Variants in CNTN5 observed in about 807,000 individuals in gnomAD.
The protein encoded by CNTN5 is contactin-5.
Under a neutral mutation model 129.1 loss-of-function variants are expected in CNTN5, and 77 were observed. The ratio of observed to expected loss-of-function variants is 0.60; its 90% CI spans 0.50 to 0.72. The LOEUF (loss-of-function observed/expected upper bound fraction) is 0.72, where lower values mean the gene tolerates loss of function less well. Ranked by LOEUF, CNTN5 falls within the 30% of genes least tolerant of loss-of-function variation. The pLI, the probability that CNTN5 is intolerant of heterozygous loss-of-function variation, is 0.00. For synonymous variants in CNTN5, 509 were observed against 465.6 expected (o/e 1.09, Z -1.20); for missense variants, 1,478 against 1,328.8 (o/e 1.11, Z -1.75).
intron 7 of CNTN5, among the ~76,000 whole-genome samples, chr11:99,935,068 T>C (rs987264336): frequency 6.6e-6 from 1 of 150,704 alleles, no homozygotes; most frequent in African/African-American, 2.4e-5. Context: ...CACATAGAAA[T>C]ATATCTTCAC....
At chr11:99,292,585 C>G (rs1276962873) in intron 1 of CNTN5, among the ~76,000 whole-genome samples, 1 of 152,122 alleles carries the variant, frequency 6.6e-6, no homozygotes, top group Non-Finnish European at 1.5e-5. Context: ...TCCTTCCCAC[C>G]TACTTTCCTG....
intron 2 of CNTN5, among the ~76,000 whole-genome samples, chr11:99,407,378 C>T (rs1455397125): frequency 6.6e-6 from 1 of 152,120 alleles, no homozygotes; most frequent in South Asian, 2.1e-4. Context: ...AAAGGGATGT[C>T]ACAGCTCTGA....
At chr11:100,144,305 A>G (rs575683796) in intron 13 of CNTN5, among the ~76,000 whole-genome samples, 20 of 152,150 alleles carry the variant, frequency 1.3e-4, no homozygotes, top group South Asian at 6.2e-4. Context: ...TTCGGCTTCT[A>G]TTGAAACCCA....
intron 3 of CNTN5, among the ~76,000 whole-genome samples, chr11:99,682,527 A>T (rs891634208): frequency 6.6e-6 from 1 of 152,004 alleles, no homozygotes; most frequent in Non-Finnish European, 1.5e-5. Context: ...GTAATTTTTT[A>T]AAAGGAGACA....
intron 2 of CNTN5, among the ~76,000 whole-genome samples, chr11:99,517,570 T>G (rs1048442179): frequency 2.0e-5 from 3 of 152,104 alleles, no homozygotes; most frequent in African/African-American, 4.8e-5. Flanking sequence ...ATAATTGCAG[T>G]TCTGAATCTA....
At chr11:99,502,980 T>G (rs1001049773) in intron 2 of CNTN5, among the ~76,000 whole-genome samples, 1 of 152,172 alleles carries the variant, frequency 6.6e-6, no homozygotes, top group African/African-American at 2.4e-5. Context: ...GGGTTACAAT[T>G]TCCCAAACTT....
chr11:99,193,895 A>C (rs146801650), intron 1 of CNTN5, among the ~76,000 whole-genome samples: 9 of 152,330 alleles, frequency 5.9e-5, no homozygotes, highest in African/African-American at 1.9e-4. Flanking sequence ...AGACACAAAC[A>C]AAAGCATTCA....
At chr11:99,329,867 G>A (rs1865929103) in intron 2 of CNTN5, among the ~76,000 whole-genome samples, 1 of 150,518 alleles carries the variant, frequency 6.6e-6, no homozygotes, top group African/African-American at 2.4e-5. Flanking sequence ...GGTGCAAAAA[G>A]TTCACACAAA....
At chr11:100,170,664 T>C in intron 13 of CNTN5, among the ~76,000 whole-genome samples, 1 of 151,972 alleles carries the variant, frequency 6.6e-6, no homozygotes, top group Admixed American at 6.6e-5. Flanking sequence ...TTTTATATTC[T>C]TGCGTGTCAT....
At chr11:99,716,175 A>G (rs1437164863) in intron 3 of CNTN5, among the ~76,000 whole-genome samples, 2 of 152,006 alleles carry the variant, frequency 1.3e-5, no homozygotes, top group Non-Finnish European at 2.9e-5. Context: ...CTCTTAGGTC[A>G]GCAATAATAT....
intron 3 of CNTN5, among the ~76,000 whole-genome samples, chr11:99,679,110 T>C (rs1219983334): frequency 6.8e-6 from 1 of 147,628 alleles, no homozygotes; most frequent in Admixed American, 6.8e-5. Flanking sequence ...ATATAGGAAA[T>C]ATATATATGT....
chr11:99,308,123 A>G (rs1848972967), intron 1 of CNTN5, among the ~76,000 whole-genome samples: 1 of 152,218 alleles, frequency 6.6e-6, no homozygotes, highest in Non-Finnish European at 1.5e-5. Context: ...AATGGAGAAC[A>G]TCCAATCCAG....
At chr11:99,540,874 A>C (rs887700427) in intron 2 of CNTN5, among the ~76,000 whole-genome samples, 3 of 152,220 alleles carry the variant, frequency 2.0e-5, no homozygotes, top group Non-Finnish European at 2.9e-5. Context: ...TACGAAGGCA[A>C]ATTATAACGA....
At chr11:99,594,133 G>A (rs2135676876) in intron 3 of CNTN5, among the ~76,000 whole-genome samples, 2 of 152,224 alleles carry the variant, frequency 1.3e-5, no homozygotes, top group South Asian at 2.1e-4. Flanking sequence ...ATCCAGTATT[G>A]TTATACTTTT....
chr11:99,508,061 A>G (rs752596146), intron 2 of CNTN5, among the ~76,000 whole-genome samples: 1 of 152,224 alleles, frequency 6.6e-6, no homozygotes, highest in Non-Finnish European at 1.5e-5. Context: ...TATTCAAAAT[A>G]TACTCTTGTC....
intron 3 of CNTN5, among the ~76,000 whole-genome samples, chr11:99,626,393 G>C (rs978129356): frequency 9.9e-5 from 15 of 152,090 alleles, no homozygotes; most frequent in African/African-American, 3.6e-4. Flanking sequence ...TGTTTTAGTG[G>C]AAGTATTCAG....
chr11:99,770,041 A>G (rs992814023), intron 3 of CNTN5, among the ~76,000 whole-genome samples: 5 of 152,114 alleles, frequency 3.3e-5, no homozygotes, highest in Admixed American at 6.6e-5. Flanking sequence ...TCTATTTAGA[A>G]AAGTTCAAGG....
At chr11:99,847,643 T>C (rs1947743031) in intron 6 of CNTN5, among the ~76,000 whole-genome samples, 1 of 152,212 alleles carries the variant, frequency 6.6e-6, no homozygotes, top group African/African-American at 2.4e-5. Context: ...TGCTTATTCC[T>C]ATGATATTGA....
At chr11:100,018,261 A>G (rs373298043) in intron 9 of CNTN5, among the ~76,000 whole-genome samples, 7 of 152,052 alleles carry the variant, frequency 4.6e-5, no homozygotes, top group African/African-American at 1.7e-4. Flanking sequence ...CATATCCAGT[A>G]CCTACCTATT....
Sources: allele counts gnomAD v4.1 joint callset (sites outside exome capture counted in the v4.1 genomes callset), GRCh38; gene constraint gnomAD v4.1.1; transcripts MANE v1.5; gene names NCBI Gene and HGNC (gene_info 2026-07-23, HGNC 2026-07-21).